The following PRKG1 variants were observed in gnomAD, a reference collection of about 807,000 sequenced individuals.
PRKG1 encodes the protein protein kinase cGMP-dependent 1.
PRKG1 carries 35 observed loss-of-function variants against 88.1 expected under a neutral mutation model. That is an observed-to-expected ratio of 0.40 (90% CI 0.30 to 0.53). The LOEUF (loss-of-function observed/expected upper bound fraction) is 0.53. Among genes scored for constraint, PRKG1 ranks in the 20% least tolerant of loss-of-function variants. PRKG1 has a pLI of 0.59. For missense variants in PRKG1, 540 were observed against 839.8 expected, an observed-to-expected ratio of 0.64 and a Z score of 4.41; for synonymous variants, 303 against 292.5, an observed-to-expected ratio of 1.04 and a Z score of -0.37.
chr10:51,850,310 G>C (rs1317781256), intron 4 of PRKG1, among the ~76,000 whole-genome samples: 1 of 152,102 alleles, frequency 6.6e-6, no homozygotes, highest in Non-Finnish European at 1.5e-5. Context: ...CCAAGTAGCT[G>C]GGATTACGGG....
chr10:51,609,988 A>C (rs1838864238), intron 3 of PRKG1, among the ~76,000 whole-genome samples: 1 of 152,126 alleles, frequency 6.6e-6, no homozygotes, highest in African/African-American at 2.4e-5. Flanking sequence ...CCCCAAACTT[A>C]TAAATTAAAA....
intron 2 of PRKG1, among the ~76,000 whole-genome samples, chr10:51,357,905 G>A (rs969529762): frequency 6.6e-6 from 1 of 151,740 alleles, no homozygotes; most frequent in Non-Finnish European, 1.5e-5. Context: ...TTTGGTAAAT[G>A]CTAAGTTTTC....
chr10:51,360,377 C>T (rs1842454169), intron 2 of PRKG1, among the ~76,000 whole-genome samples: 1 of 151,876 alleles, frequency 6.6e-6, no homozygotes, highest in East Asian at 1.9e-4. Context: ...CAGCCTCCAG[C>T]ATATAAACTG....
chr10:51,488,878 A>G (rs763206229), intron 3 of PRKG1, among the ~76,000 whole-genome samples: 3 of 152,114 alleles, frequency 2.0e-5, no homozygotes, highest in Non-Finnish European at 4.4e-5. Context: ...TTTCTCTCTG[A>G]TATGTCAAGA....
At chr10:52,146,208 T>C (rs1383478946) in intron 8 of PRKG1, among the ~76,000 whole-genome samples, 1 of 152,236 alleles carries the variant, frequency 6.6e-6, no homozygotes, top group African/African-American at 2.4e-5. Flanking sequence ...GTCTATGTCA[T>C]ATGATTATAA....
chr10:51,463,709 A>T (rs1471358503), intron 2 of PRKG1, among the ~76,000 whole-genome samples: 1 of 152,206 alleles, frequency 6.6e-6, no homozygotes, highest in African/African-American at 2.4e-5. Context: ...TAATTTTGCT[A>T]CAAGACGGGT....
intron 3 of PRKG1, among the ~76,000 whole-genome samples, chr10:51,631,346 T>C (rs113187183): frequency 0.041 from 6,238 of 151,936 alleles, 195 homozygotes; most frequent in South Asian, 0.1. Flanking sequence ...GAGTGGTAAA[T>C]AAACTAATAA....
chr10:50,998,238 G>A (rs559627816), intron 1 of PRKG1, among the ~76,000 whole-genome samples: 3 of 151,862 alleles, frequency 2.0e-5, no homozygotes, highest in South Asian at 4.2e-4. Flanking sequence ...TCCCTCTTTC[G>A]GGTCCTTGTA....
At chr10:51,878,883 A>G (rs1841368135) in intron 4 of PRKG1, among the ~76,000 whole-genome samples, 1 of 152,208 alleles carries the variant, frequency 6.6e-6, no homozygotes, top group Admixed American at 6.5e-5. Flanking sequence ...TAATGCAGTG[A>G]CAAAACAAAG....
rs199881575 is a variant in PRKG1, at chr10:51,435,021, T to TA, written c.479-32695dup. On this transcript the variant is annotated intron_variant, in intron 2 of 17. Coordinates refer to ENST00000373980, the MANE Select transcript of PRKG1 (RefSeq NM_006258.4). ...GTGCCGAAGAACATTTTAATCACCA[T>TA]AAAAAAATTTCTCTTTCTTTTCCAG... Among the ~76,000 whole-genome samples, 1,297 of 152,160 alleles carry TA rather than the reference T, an allele frequency of 8.5e-3. 24 individuals are homozygous for TA. Among genetic ancestry groups the TA allele is most frequent in the African/African-American group, 0.03 (1,244 of 41,532 alleles).
At chr10:51,542,405 A>G (rs1462518997) in intron 3 of PRKG1, among the ~76,000 whole-genome samples, 1 of 152,144 alleles carries the variant, frequency 6.6e-6, no homozygotes, top group Non-Finnish European at 1.5e-5. Context: ...TTGTTTTTAA[A>G]TGGGGACACT....
chr10:51,085,452 C>T (rs1029745129), intron 1 of PRKG1, among the ~76,000 whole-genome samples: 1 of 152,000 alleles, frequency 6.6e-6, no homozygotes, highest in Admixed American at 6.6e-5. Flanking sequence ...CTGGAATGAA[C>T]CCTAGAGTGT....
chr10:52,070,978 A>G (rs1846481984), intron 7 of PRKG1, among the ~76,000 whole-genome samples: 1 of 152,176 alleles, frequency 6.6e-6, no homozygotes, highest in African/African-American at 2.4e-5. Flanking sequence ...AAGTAGAATA[A>G]TAGTGCTTGC....
intron 7 of PRKG1, among the ~76,000 whole-genome samples, chr10:52,112,215 A>C (rs1055492129): frequency 6.6e-6 from 1 of 152,180 alleles, no homozygotes; most frequent in African/African-American, 2.4e-5. Flanking sequence ...TTTCTACCTG[A>C]ATGCAGTTTA....
At chr10:51,722,616 C>T (rs1451336324) in intron 3 of PRKG1, among the ~76,000 whole-genome samples, 1 of 152,098 alleles carries the variant, frequency 6.6e-6, no homozygotes, top group Non-Finnish European at 1.5e-5. Flanking sequence ...CAAAATATTT[C>T]ACCTCTATGG....
chr10:51,137,091 T>C (rs1218715240), intron 1 of PRKG1, among the ~76,000 whole-genome samples: 1 of 152,066 alleles, frequency 6.6e-6, no homozygotes. Flanking sequence ...TTCACCGTGT[T>C]AACCAGAATG....
chr10:51,423,998 G>C (rs1370440957), intron 2 of PRKG1, among the ~76,000 whole-genome samples: 1 of 152,082 alleles, frequency 6.6e-6, no homozygotes, highest in East Asian at 1.9e-4. Context: ...CTGAGACCAT[G>C]CTTTCCAAAA....
chr10:50,992,107 C>G (rs1030947267), intron 1 of PRKG1, among the ~76,000 whole-genome samples: 11 of 151,962 alleles, frequency 7.2e-5, no homozygotes, highest in Admixed American at 3.3e-4. Context: ...TCCGAGCCTC[C>G]TAGGGAGGGG....
At chr10:51,392,573 T>C (rs1837436496) in intron 2 of PRKG1, among the ~76,000 whole-genome samples, 1 of 151,832 alleles carries the variant, frequency 6.6e-6, no homozygotes, top group South Asian at 2.1e-4. Context: ...CTCAATCTTT[T>C]CCCCACCTTT....
Sources: gnomAD v4.1 joint callset for allele counts (sites outside exome capture counted in the v4.1 genomes callset) on GRCh38, gnomAD v4.1.1 for gene constraint, MANE v1.5 for transcripts, NCBI Gene and HGNC (gene_info 2026-07-23, HGNC 2026-07-21) for gene names.